The following SEMA3A variants were observed in gnomAD, a reference collection of about 807,000 sequenced individuals.
SEMA3A encodes the protein semaphorin 3A.
SEMA3A carries 29 observed loss-of-function variants against 97.9 expected under a neutral mutation model. The ratio of observed to expected loss-of-function variants is 0.30; its 90% CI spans 0.22 to 0.40. The LOEUF (loss-of-function observed/expected upper bound fraction) is 0.40. SEMA3A is among the 10% of genes least tolerant of loss of function. The probability of loss-of-function intolerance (pLI) is 1.00; values close to 1 mark genes in which losing one functional copy is unlikely to be tolerated. For missense variants in SEMA3A, 763 were observed against 951.3 expected (o/e 0.80, Z 2.60); for synonymous variants, 321 against 323.7 (o/e 0.99, Z 0.09).
intron 3 of SEMA3A, among the ~76,000 whole-genome samples, chr7:84,205,562 A>AT (rs1798470762): frequency 6.6e-6 from 1 of 152,230 alleles, no homozygotes; most frequent in African/African-American, 2.4e-5. Flanking sequence ...ATTCATGTCC[A>AT]TATTTATTTT....
intron 1 of SEMA3A, among the ~76,000 whole-genome samples, chr7:84,150,483 G>A (rs577992803): frequency 1.3e-5 from 2 of 152,292 alleles, no homozygotes; most frequent in South Asian, 2.1e-4. Context: ...GGTGACGGAC[G>A]GCACCTGGAG....
At chr7:84,180,155 A>G (rs1797697257) in intron 1 of SEMA3A, among the ~76,000 whole-genome samples, 1 of 150,380 alleles carries the variant, frequency 6.6e-6, no homozygotes, top group South Asian at 2.1e-4. Flanking sequence ...CATATTGGTC[A>G]GGCTGGTCTC....
intron 1 of SEMA3A, among the ~76,000 whole-genome samples, chr7:84,454,900 ATAGT>A (rs2116374267): frequency 6.6e-6 from 1 of 152,104 alleles, no homozygotes; most frequent in Non-Finnish European, 1.5e-5. Context: ...TCTAAATATA[ATAGT>A]TATTTTAATT....
At chr7:84,394,294 C>G (rs1803667793) in intron 1 of SEMA3A, among the ~76,000 whole-genome samples, 1 of 151,982 alleles carries the variant, frequency 6.6e-6, no homozygotes, top group South Asian at 2.1e-4. Flanking sequence ...GTATTTTTAA[C>G]TTCTATGTGT....
intron 3 of SEMA3A, among the ~76,000 whole-genome samples, chr7:84,120,854 G>A (rs1378020873): frequency 6.6e-6 from 1 of 152,166 alleles, no homozygotes; most frequent in Non-Finnish European, 1.5e-5. Flanking sequence ...TCAGGGTTCA[G>A]AGGTAAAGGA....
Position 83,979,004 on chromosome 7 carries a change from T to C in SEMA3A, c.1653-1808A>G, listed in dbSNP as rs146550632. On this transcript the variant is annotated intron_variant, in intron 14 of 16. Coordinates refer to ENST00000265362, the MANE Select transcript of SEMA3A (RefSeq NM_006080.3). ...AGGTTTTAACTTATAGATGTGTTGA[T>C]TTTCTTTTTATCTCTTTCCTTATTA... 1.0e-3 allele frequency among the ~76,000 whole-genome samples: 155 copies of C among 152,358 alleles called. 2 individuals carry two copies. Among genetic ancestry groups the C allele is most frequent in the African/African-American group, 3.4e-3 (142 of 41,590 alleles).
At chr7:84,306,978 C>T (rs1584223665) in intron 3 of SEMA3A, among the ~76,000 whole-genome samples, 2 of 152,104 alleles carry the variant, frequency 1.3e-5, no homozygotes, top group African/African-American at 4.8e-5. Flanking sequence ...AGCAATCCAC[C>T]TCTTGACATT....
At chr7:84,074,322 A>G (rs1793860491) in intron 4 of SEMA3A, among the ~76,000 whole-genome samples, 1 of 152,186 alleles carries the variant, frequency 6.6e-6, no homozygotes, top group Non-Finnish European at 1.5e-5. Flanking sequence ...TAAGCTTCAT[A>G]AAATTAGCCT....
intron 2 of SEMA3A, among the ~76,000 whole-genome samples, chr7:84,353,118 C>T (rs1802474198): frequency 6.6e-6 from 1 of 151,576 alleles, no homozygotes; most frequent in South Asian, 2.1e-4. Context: ...TTATAATACC[C>T]AATATAATGT....
chr7:84,288,718 C>CA (rs1156660011), intron 3 of SEMA3A, among the ~76,000 whole-genome samples: 1 of 151,792 alleles, frequency 6.6e-6, no homozygotes, highest in African/African-American at 2.4e-5. Context: ...CAAAACAAAA[C>CA]AAAAACAAAA....
chr7:84,011,253 T>C lies in SEMA3A; in HGVS notation c.855A>G (p.Thr285=), dbSNP rs769411835. The change falls in exon 8 of 17, where the codon ACA becomes ACG. Residue 285 remains threonine, a synonymous_variant. Transcript: ENST00000265362. ...AGCAAATCAGACGAGCTTTGAGGAATGTTGTCCATTTATTCACCAGACTTC... is the reference window on the plus strand; with the variant it reads ...AGCAAATCAGACGAGCTTTGAGGAACGTTGTCCATTTATTCACCAGACTTC... The part of the protein sequence containing the change: ...GHRSLVNKWT[T]FLKARLICSV... 6.2e-7 allele frequency: 1 copy of C among 1,614,050 alleles called. No homozygotes were observed. Among genetic ancestry groups the C allele is most frequent in the Non-Finnish European group, 8.5e-7 (1 of 1,179,920 alleles).
At chr7:84,456,025 C>T (rs1388845531) in intron 1 of SEMA3A, among the ~76,000 whole-genome samples, 1 of 151,782 alleles carries the variant, frequency 6.6e-6, no homozygotes, top group Non-Finnish European at 1.5e-5. Flanking sequence ...GGCAGCTACC[C>T]AATTTATGTG....
chr7:84,074,600 C>T (rs1462581611), intron 4 of SEMA3A, among the ~76,000 whole-genome samples: 1 of 151,784 alleles, frequency 6.6e-6, no homozygotes, highest in African/African-American at 2.4e-5. Context: ...GAAAGAAGAA[C>T]CTCGGTGAAA....
chr7:83,994,808 G>A (rs1158867259), intron 12 of SEMA3A, among the ~76,000 whole-genome samples: 5 of 151,974 alleles, frequency 3.3e-5, no homozygotes, highest in African/African-American at 7.2e-5. Context: ...AGCCTACAGA[G>A]GCAGGCAGGC....
At chr7:84,332,662 T>C (rs1437407184) in intron 2 of SEMA3A, among the ~76,000 whole-genome samples, 2 of 123,666 alleles carry the variant, frequency 1.6e-5, no homozygotes, top group Non-Finnish European at 3.2e-5. Flanking sequence ...AATTGAAATA[T>C]ATGTGTGTGT....
At chr7:84,472,207 A>G (rs887315506) in intron 1 of SEMA3A, among the ~76,000 whole-genome samples, 1 of 152,144 alleles carries the variant, frequency 6.6e-6, no homozygotes, top group African/African-American at 2.4e-5. Context: ...TCATGAACTG[A>G]GGAAAAGTTA....
chr7:84,278,267 A>G (rs537887533), intron 3 of SEMA3A, among the ~76,000 whole-genome samples: 1 of 152,020 alleles, frequency 6.6e-6, no homozygotes, highest in South Asian at 2.1e-4. Flanking sequence ...TCTGTCTGAG[A>G]CCTCCTCAGC....
chr7:84,279,149 T>C (rs907963404), intron 3 of SEMA3A, among the ~76,000 whole-genome samples: 4 of 152,166 alleles, frequency 2.6e-5, no homozygotes, highest in African/African-American at 9.7e-5. Flanking sequence ...GTATTTAGTT[T>C]CAAAGTATCT....
chr7:84,308,770 A>T (rs1208955797), intron 2 of SEMA3A, among the ~76,000 whole-genome samples: 1 of 152,036 alleles, frequency 6.6e-6, no homozygotes, highest in Non-Finnish European at 1.5e-5. Context: ...ACATTATCCC[A>T]ATCCCATTCT....
Sources: gnomAD v4.1 joint callset for allele counts (sites outside exome capture counted in the v4.1 genomes callset) on GRCh38, gnomAD v4.1.1 for gene constraint, MANE v1.5 for transcripts, NCBI Gene and HGNC (gene_info 2026-07-23, HGNC 2026-07-21) for gene names.